NPFFR2: variants seen among roughly 807,000 people sequenced by gnomAD.
NPFFR2 encodes the protein neuropeptide FF receptor 2, also known as G-protein coupled receptor 74.
Under a neutral mutation model 13.1 loss-of-function variants are expected in NPFFR2, and 15 were observed. The ratio of observed to expected loss-of-function variants is 1.15; its 90% confidence interval spans 0.77 to 1.76. The LOEUF (loss-of-function observed/expected upper bound fraction) is 1.76, where lower values mean the gene tolerates loss of function less well. Ranked by LOEUF, NPFFR2 falls within the 40% of genes most tolerant of loss-of-function variation. NPFFR2 has a pLI of 0.00. For missense variants in NPFFR2, 572 were observed against 503.5 expected, an observed-to-expected ratio of 1.14 and a Z score of -1.30; for synonymous variants, 190 against 175.7, an observed-to-expected ratio of 1.08 and a Z score of -0.65.
At chr4:72,098,503 T>C (rs2109807726) in intron 1 of NPFFR2, among the ~76,000 whole-genome samples, 1 of 152,232 alleles carries the variant, frequency 6.6e-6, no homozygotes, top group South Asian at 2.1e-4. Flanking sequence ...TCATTAGCTA[T>C]CATTAGTGTT....
intron 2 of NPFFR2, among the ~76,000 whole-genome samples, chr4:72,132,208 A>G (rs182703810): frequency 4.5e-4 from 67 of 149,922 alleles, no homozygotes; most frequent in African/African-American, 1.6e-3. Flanking sequence ...GTTCCCCTCT[A>G]TCTCATCATT....
At chr4:72,076,004 CACAGAGAGAGAGAGAGGGCAG>C (rs1720423050) in intron 1 of NPFFR2, among the ~76,000 whole-genome samples, 3 of 53,122 alleles carry the variant, frequency 5.6e-5, no homozygotes, top group Non-Finnish European at 1.5e-4. Context: ...CACACACACA[CACAGAGAGAGAGAGAGGGCAG>C]ACAGCACAAG....
intron 1 of NPFFR2, among the ~76,000 whole-genome samples, chr4:72,102,171 A>C (rs916247292): frequency 1.3e-5 from 2 of 152,182 alleles, no homozygotes; most frequent in African/African-American, 4.8e-5. Context: ...TAGTGGAAAA[A>C]GCTGATTATC....
At chr4:72,062,930 G>C (rs962927608) in intron 1 of NPFFR2, among the ~76,000 whole-genome samples, 1 of 115,754 alleles carries the variant, frequency 8.6e-6, no homozygotes. Flanking sequence ...TGAATTTCTA[G>C]GAGACTTTTG....
At chr4:72,117,642 C>A (rs1292089626) in intron 1 of NPFFR2, among the ~76,000 whole-genome samples, 3 of 152,174 alleles carry the variant, frequency 2.0e-5, no homozygotes, top group African/African-American at 7.2e-5. Context: ...GTTGTCAACA[C>A]AGTCAATATT....
intron 1 of NPFFR2, among the ~76,000 whole-genome samples, chr4:72,082,472 T>C (rs1720654487): frequency 6.6e-6 from 1 of 151,794 alleles, no homozygotes; most frequent in Admixed American, 6.6e-5. Flanking sequence ...TTGGTCCTCA[T>C]TTTACTCAAC....
intron 1 of NPFFR2, among the ~76,000 whole-genome samples, chr4:72,102,707 A>ATCAT: frequency 6.6e-6 from 1 of 151,416 alleles, no homozygotes; most frequent in African/African-American, 2.4e-5. Context: ...ACATGAACTC[A>ATCAT]TTTTTATGGC....
chr4:72,140,537 T>C (rs1369357063), intron 3 of NPFFR2, among the ~76,000 whole-genome samples: 1 of 152,240 alleles, frequency 6.6e-6, no homozygotes, highest in Admixed American at 6.5e-5. Flanking sequence ...TTGTCATTGG[T>C]TCTGTTCATG....
intron 1 of NPFFR2, among the ~76,000 whole-genome samples, chr4:72,106,570 T>C (rs1486612606): frequency 6.6e-6 from 1 of 151,954 alleles, no homozygotes; most frequent in East Asian, 1.9e-4. Context: ...ACTCTGTCCA[T>C]TCCCAGGAAC....
At chr4:72,089,933 T>C (rs946459590) in intron 1 of NPFFR2, among the ~76,000 whole-genome samples, 2 of 152,110 alleles carry the variant, frequency 1.3e-5, no homozygotes. Context: ...TAATGTTATC[T>C]TCTAGAATTT....
intron 1 of NPFFR2, among the ~76,000 whole-genome samples, chr4:72,116,937 C>A (rs1166472175): frequency 1.3e-5 from 2 of 152,074 alleles, no homozygotes; most frequent in Non-Finnish European, 1.5e-5. Context: ...AAGTAAAACC[C>A]CCTACCCCAA....
At chr4:72,144,329 G>A (rs1334072937) in intron 3 of NPFFR2, among the ~76,000 whole-genome samples, 2 of 152,116 alleles carry the variant, frequency 1.3e-5, no homozygotes, top group African/African-American at 4.8e-5. Context: ...GAGAGTACCA[G>A]CAAAAATCAT....
intron 1 of NPFFR2, among the ~76,000 whole-genome samples, chr4:72,089,362 A>T (rs1720852497): frequency 1.3e-5 from 2 of 152,182 alleles, no homozygotes; most frequent in Non-Finnish European, 2.9e-5. Context: ...TGCTGGATCA[A>T]ATGGTATATC....
intron 1 of NPFFR2, among the ~76,000 whole-genome samples, chr4:72,032,591 T>C (rs1242147847): frequency 1.3e-5 from 2 of 152,274 alleles, no homozygotes; most frequent in East Asian, 3.8e-4. Flanking sequence ...TTCTAAGCAA[T>C]GATCTTTGTG....
Position 72,147,533 on chromosome 4 carries a change from C to T in NPFFR2, c.984C>T (p.Val328=), listed in dbSNP as rs758091600. The change falls in exon 4 of 4, where the codon GTC becomes GTT. Residue 328 remains valine (V), a synonymous_variant. Transcript: ENST00000308744. ...GGCTGGCATTCGGCAACAGCAGTGT[C>T]AATCCCATCATTTATGGTTTCTTCA... ...AHWLAFGNSS[V]NPIIYGFFNE... is the part of the protein sequence containing the mutation. The T allele has an allele frequency of 6.2e-7, 1 of 1,614,228 alleles. No homozygotes were observed. Among genetic ancestry groups the T allele is most frequent in the East Asian group, 2.2e-5 (1 of 44,888 alleles).
intron 1 of NPFFR2, among the ~76,000 whole-genome samples, chr4:72,113,026 A>G (rs1459798004): frequency 6.6e-6 from 1 of 152,046 alleles, no homozygotes; most frequent in African/African-American, 2.4e-5. Flanking sequence ...CCTGGCTTCT[A>G]CTGGTATTTT....
intron 1 of NPFFR2, among the ~76,000 whole-genome samples, chr4:72,083,392 G>A (rs149477497): frequency 3.2e-4 from 48 of 152,300 alleles, no homozygotes; most frequent in African/African-American, 1.0e-3. Context: ...TCTGATAGAT[G>A]TGAAGTAGTA....
chr4:72,034,709 T>C (rs1719000528), intron 1 of NPFFR2, among the ~76,000 whole-genome samples: 1 of 152,254 alleles, frequency 6.6e-6, no homozygotes, highest in Non-Finnish European at 1.5e-5. Context: ...TTCCCTTTGA[T>C]TTTAAGTTCC....
chr4:72,141,110 C>T (rs1256584964), intron 3 of NPFFR2, among the ~76,000 whole-genome samples: 1 of 151,608 alleles, frequency 6.6e-6, no homozygotes, highest in Non-Finnish European at 1.5e-5. Flanking sequence ...GTGATATCCC[C>T]TTTATCATTT....
Sources: gnomAD v4.1 joint callset for allele counts (sites outside exome capture counted in the v4.1 genomes callset) on GRCh38, gnomAD v4.1.1 for gene constraint, MANE v1.5 for transcripts, NCBI Gene and HGNC (gene_info 2026-07-23, HGNC 2026-07-21) for gene names.